The following RBFOX3 variants were observed in gnomAD, a reference collection of about 807,000 sequenced individuals.
RBFOX3 encodes the protein RNA binding protein fox-1 homolog 3.
RBFOX3 carries 17 observed loss-of-function variants against 48.7 expected under a neutral mutation model. The ratio of observed to expected loss-of-function variants is 0.35; its 90% CI spans 0.24 to 0.52. The LOEUF is 0.52. Among genes scored for constraint, RBFOX3 ranks in the 20% least tolerant of loss-of-function variants. The probability of loss-of-function intolerance (pLI) is 0.94; values close to 1 mark genes in which losing one functional copy is unlikely to be tolerated. For synonymous variants in RBFOX3, 212 were observed against 209.5 expected (o/e 1.01, Z -0.10); for missense variants, 382 against 497.5 (o/e 0.77, Z 2.21).
chr17:79,390,010 A>AGGTCTCCGCAGCCGCCG lies in RBFOX3; in HGVS notation c.-174-82187_-174-82186insCGGCGGCTGCGGAGACC, dbSNP rs2061153923. On this transcript the variant is annotated intron_variant, in intron 2 of 14. Transcript: ENST00000693108. This position sits in a 1 kb window ranked among gnomAD's most constrained non-coding sequence, Gnocchi z 4.2. ...CAGCCTCCAGGTCTCCGCAGCCTCC[A>AGGTCTCCGCAGCCGCCG]GGTCTCCGCAGCCTCCAGGTCTCCG... Among the ~76,000 whole-genome samples, 4 of 93,248 alleles carry AGGTCTCCGCAGCCGCCG rather than the reference A, an allele frequency of 4.3e-5. No individual in the cohort carries two copies. Among genetic ancestry groups the AGGTCTCCGCAGCCGCCG allele is most frequent in the Non-Finnish European group, 1.0e-4 (4 of 39,036 alleles). The allele number at this position is 93,248 out of a possible 152,430, so 61.2% of individuals were successfully genotyped here.
chr17:79,621,787 C>G, the RBFOX3 span, among the ~76,000 whole-genome samples: 2 of 152,222 alleles, frequency 1.3e-5, no homozygotes. Flanking sequence ...GCACGTGTTA[C>G]TAGGTGTACA....
chr17:79,365,123 G>C (rs2057535567), intron 2 of RBFOX3, among the ~76,000 whole-genome samples: 1 of 141,094 alleles, frequency 7.1e-6, no homozygotes, highest in Non-Finnish European at 1.6e-5. Context: ...TGCTCTGGAT[G>C]TGCGCACACA....
chr17:79,160,219 C>T (rs548159911), intron 4 of RBFOX3, among the ~76,000 whole-genome samples: 11 of 149,250 alleles, frequency 7.4e-5, no homozygotes, highest in African/African-American at 2.3e-4. Context: ...CCCTCCCAGA[C>T]GTGGGGCGAT....
chr17:79,209,618 C>A (rs898826613), intron 4 of RBFOX3, among the ~76,000 whole-genome samples: 1 of 152,210 alleles, frequency 6.6e-6, no homozygotes, highest in Non-Finnish European at 1.5e-5. Flanking sequence ...GCACATAGTA[C>A]CTGTCCCATA....
intron 4 of RBFOX3, among the ~76,000 whole-genome samples, chr17:79,128,829 G>A (rs2038024643): frequency 6.6e-6 from 1 of 152,238 alleles, no homozygotes; most frequent in Non-Finnish European, 1.5e-5. Flanking sequence ...CCAAGGTGCA[G>A]GATGTACAGA....
chr17:79,263,811 C>G (rs995935011), intron 3 of RBFOX3, among the ~76,000 whole-genome samples: 2 of 152,196 alleles, frequency 1.3e-5, no homozygotes, highest in African/African-American at 4.8e-5. Context: ...CAGTCCTAAC[C>G]CCCAGAGCTG....
At chr17:79,513,613 G>C (rs984303065) in intron 1 of RBFOX3, among the ~76,000 whole-genome samples, 6 of 152,232 alleles carry the variant, frequency 3.9e-5, no homozygotes, top group South Asian at 2.1e-4. Context: ...CAGACTGCTT[G>C]AGTTTGAATC....
At chr17:79,283,071 A>AT (rs1230692921) in intron 3 of RBFOX3, among the ~76,000 whole-genome samples, 2 of 151,756 alleles carry the variant, frequency 1.3e-5, no homozygotes, top group Non-Finnish European at 2.9e-5. Flanking sequence ...GAAAGTTTTC[A>AT]TTTTCAGGAA....
chr17:79,194,753 G>GTGTGT (rs1555599582), intron 4 of RBFOX3, among the ~76,000 whole-genome samples: 4,689 of 149,086 alleles, frequency 0.031, 103 homozygotes, highest in African/African-American at 0.046. Context: ...TGTGTGTGTG[G>GTGTGT]GTGTGTGTGT....
At position 79,535,918 on chromosome 17, in the gene RBFOX3, G is replaced by A. The variant is rs1289831687; in HGVS notation, c.-319-53320C>T. On this transcript the variant is annotated intron_variant, in intron 1 of 14. Coordinates refer to ENST00000693108, the MANE Select transcript of RBFOX3 (RefSeq NM_001350451.2). This position sits in a 1 kb window ranked among gnomAD's most constrained non-coding sequence, Gnocchi z 4.5. ...TCCCCCAGCCACTGCACCCCTGCCC[G>A]TGACCAGTAGCGGCAGGGTCATCTC... 3.9e-5 allele frequency among the ~76,000 whole-genome samples: 6 copies of A among 152,224 alleles called. No homozygotes were observed. The highest frequency in any genetic ancestry group is 2.1e-4 in the South Asian group (1 of 4,822).
intron 4 of RBFOX3, among the ~76,000 whole-genome samples, chr17:79,231,998 CT>C (rs1423385887): frequency 6.6e-6 from 1 of 152,204 alleles, no homozygotes; most frequent in African/African-American, 2.4e-5. Context: ...CGGAAGACAC[CT>C]CTTCACAGGG....
intron 2 of RBFOX3, among the ~76,000 whole-genome samples, chr17:79,375,082 C>T (rs2059053041): frequency 6.6e-6 from 1 of 152,166 alleles, no homozygotes; most frequent in Non-Finnish European, 1.5e-5. Context: ...CACACCAGGT[C>T]CCTGCCATTG....
At chr17:79,091,358 C>T (rs2073860130) in intron 14 of RBFOX3, among the ~76,000 whole-genome samples, 1 of 152,256 alleles carries the variant, frequency 6.6e-6, no homozygotes, top group Admixed American at 6.5e-5. Context: ...GGCTACTTTT[C>T]CCTGTCATGG....
At chr17:79,229,033 G>GC (rs34098398) in intron 4 of RBFOX3, among the ~76,000 whole-genome samples, 132,564 of 151,334 alleles carry the variant, frequency 0.88, 58,184 homozygotes, top group African/African-American at 0.92. Flanking sequence ...TTCAAGACCA[G>GC]CTGGCCAATA....
rs142726418 is a variant in RBFOX3, at chr17:79,111,366, G to A, written c.222+4128C>T. 6.1e-4 allele frequency among the ~76,000 whole-genome samples: 93 copies of A among 152,218 alleles called. 1 individual carries two copies. Among genetic ancestry groups the A allele is most frequent in the African/African-American group, 2.1e-3 (89 of 41,546 alleles). On this transcript the variant is annotated intron_variant, in intron 5 of 14. Transcript: ENST00000693108. The surrounding 1 kb of genome is among the most constrained non-coding windows in gnomAD (Gnocchi z 4.2). Reference sequence around the variant, plus strand: ...CTCTGGAAAACACCAGTCTCATCCCGTCTCCCTCTACCTGGCTGGCCCTCC... The same window carrying A: ...CTCTGGAAAACACCAGTCTCATCCCATCTCCCTCTACCTGGCTGGCCCTCC...
intron 2 of RBFOX3, among the ~76,000 whole-genome samples, chr17:79,389,469 C>A (rs370758100): frequency 1.1e-4 from 16 of 152,302 alleles, no homozygotes; most frequent in African/African-American, 3.4e-4. Flanking sequence ...GCTGACAGCC[C>A]TTGAGGGGGT....
chr17:79,562,071 G>A (rs2144239613), intron 1 of RBFOX3, among the ~76,000 whole-genome samples: 2 of 152,364 alleles, frequency 1.3e-5, no homozygotes, highest in African/African-American at 4.8e-5. Flanking sequence ...GGGCAGACCA[G>A]TACGTCTGTG....
chr17:79,401,152 C>G (rs1362236956), intron 2 of RBFOX3, among the ~76,000 whole-genome samples: 2 of 152,312 alleles, frequency 1.3e-5, no homozygotes, highest in East Asian at 3.9e-4. Context: ...GACAGCGGTT[C>G]GGCAGGGGAG....
chr17:79,645,675 C>T, the RBFOX3 span, among the ~76,000 whole-genome samples: 3 of 152,198 alleles, frequency 2.0e-5, no homozygotes, highest in East Asian at 1.9e-4. Flanking sequence ...TCCAGTTCAC[C>T]GTCTTTCCCT....
Sources: gnomAD v4.1 joint callset for allele counts (sites outside exome capture counted in the v4.1 genomes callset) on GRCh38, gnomAD v4.1.1 for gene constraint, Gnocchi (gnomAD v3.1) non-coding constraint, MANE v1.5 for transcripts, NCBI Gene and HGNC (gene_info 2026-07-23, HGNC 2026-07-21) for gene names.